The following SLC25A17 variants were observed in gnomAD, a reference collection of about 807,000 sequenced individuals.
SLC25A17 encodes peroxisomal membrane protein PMP34.
Under a neutral mutation model 38.5 loss-of-function variants are expected in SLC25A17, and 26 were observed. The ratio of observed to expected loss-of-function variants is 0.68; its 90% CI spans 0.50 to 0.94. SLC25A17 has a LOEUF of 0.94. Ranked by LOEUF, SLC25A17 falls within the 40% of genes least tolerant of loss-of-function variation. The probability of loss-of-function intolerance (pLI) is 0.00; values close to 1 mark genes in which losing one functional copy is unlikely to be tolerated. For missense variants in SLC25A17, 333 were observed against 372.7 expected (o/e 0.89, Z 0.88); for synonymous variants, 139 against 136.2 (o/e 1.02, Z -0.14).
intron 4 of SLC25A17, among the ~76,000 whole-genome samples, chr22:40,787,144 CAAGG>C (rs2057345321): frequency 6.6e-6 from 1 of 152,114 alleles, no homozygotes. Context: ...GTACAGGAAA[CAAGG>C]AAAGATTCCT....
rs914564433 is a variant in SLC25A17 at position 40,794,442 on chromosome 22, C to T, written c.182+72G>A. ...TGCTGTGAGAAAGATAGAAAGTAAG[C>T]ATAACTCTACTGGAAGCACAGGAAT... On this transcript the variant is annotated intron_variant, in intron 3 of 8. Coordinates refer to ENST00000435456, the MANE Select transcript of SLC25A17 (RefSeq NM_006358.4). The T allele has an allele frequency of 1.1e-5, 10 of 882,990 alleles. No individual in the cohort carries two copies. The African/African-American group carries it at 1.3e-4, about 12-fold the overall frequency. The allele number at this position is 882,990 out of a possible 1,614,324, so 54.7% of individuals were successfully genotyped here.
chr22:40,779,258 T>C, intron 4 of SLC25A17, 133 bp from the exon 5 acceptor site: 1 of 1,530,690 alleles, frequency 6.5e-7, no homozygotes, highest in Non-Finnish European at 8.8e-7. Flanking sequence ...AGGTAAGGTG[T>C]CTCTTTGTGC....
chr22:40,792,640 G>A lies in SLC25A17; in HGVS notation c.219C>T (p.Ser73=). The A allele has an allele frequency of 6.2e-7, 1 of 1,614,058 alleles. No homozygotes were observed. The highest frequency in any genetic ancestry group is 8.5e-7 in the Non-Finnish European group (1 of 1,179,978). The change falls in exon 4 of 9, where the codon TCC becomes TCT. Residue 73 remains serine, a synonymous_variant. Transcript: ENST00000435456. ...AGACAAAATTGGAGCAGCAGAGACT[G>A]GAAATCACTGGAAACCACCCTCGAT... is the stretch of plus-strand genomic sequence containing the variant. ...APYRGWFPVI[S]SLCCSNFVYF...
At chr22:40,815,930 T>C (rs1170439167) in intron 1 of SLC25A17, among the ~76,000 whole-genome samples, 2 of 152,302 alleles carry the variant, frequency 1.3e-5, no homozygotes, top group African/African-American at 2.4e-5. Context: ...CTCACGCCTG[T>C]AATCCCAGCA....
In SLC25A17 at chr22:40,794,550, TGTGTA is replaced by T; in HGVS notation, c.141_145del (p.Thr48HisfsTer8). 6.2e-7 allele frequency: 1 copy of T among 1,611,716 alleles called. No homozygotes were observed. On this transcript the variant is annotated frameshift_variant, in exon 3 of 9. Coordinates refer to ENST00000435456, the MANE Select transcript of SLC25A17 (RefSeq NM_006358.4). LOFTEE classifies it high-confidence loss of function. ...TTTAATGATCTCCAGGAGCACCATG[TGTGTA>T]GTTTTGGATTTTCTTTTCTCATCAA...
At chr22:40,806,287 T>C (rs1346375137) in intron 1 of SLC25A17, among the ~76,000 whole-genome samples, 1 of 152,180 alleles carries the variant, frequency 6.6e-6, no homozygotes, top group Non-Finnish European at 1.5e-5. Flanking sequence ...ATGGATTTCT[T>C]TTAGGCTTTG....
chr22:40,812,773 G>A (rs1179802573), intron 1 of SLC25A17, among the ~76,000 whole-genome samples: 1 of 151,466 alleles, frequency 6.6e-6, no homozygotes, highest in African/African-American at 2.4e-5. Flanking sequence ...TTTAGGAGGT[G>A]GGAGAATGGC....
chr22:40,809,765 G>C lies in SLC25A17; in HGVS notation c.54+9430C>G, dbSNP rs528276989. 3.9e-4 allele frequency among the ~76,000 whole-genome samples: 60 copies of C among 152,150 alleles called. 1 individual carries two copies. In the South Asian group the frequency reaches 0.012, roughly 30 times the overall value. On this transcript the variant is annotated intron_variant, in intron 1 of 8. Coordinates refer to ENST00000435456, the MANE Select transcript of SLC25A17 (RefSeq NM_006358.4). ...TGAAAATTTTTAGGAGTGTGAATGG[G>C]TCCTATGAGTATAGTTTGAACAGAG...
At chr22:40,787,138 A>G (rs552841112) in intron 4 of SLC25A17, among the ~76,000 whole-genome samples, 1 of 152,344 alleles carries the variant, frequency 6.6e-6, no homozygotes, top group Non-Finnish European at 1.5e-5. Flanking sequence ...TGGTGGGTAC[A>G]GGAAACAAGG....
At chr22:40,776,290 T>C (rs892569483) in intron 7 of SLC25A17, 5 of 469,302 alleles carry the variant, frequency 1.1e-5, no homozygotes, top group African/African-American at 1.0e-4. Context: ...GCTTAGTAAA[T>C]ATTTGAATGG....
At chr22:40,779,234 T>A (rs1354178839) in intron 4 of SLC25A17, 109 bp from the exon 5 acceptor site, 1 of 1,567,764 alleles carries the variant, frequency 6.4e-7, no homozygotes, top group East Asian at 2.4e-5. Context: ...GTCACTGACC[T>A]CTTAGGAGAC....
chr22:40,784,800 A>G (rs1325896253), intron 4 of SLC25A17, among the ~76,000 whole-genome samples: 2 of 151,504 alleles, frequency 1.3e-5, no homozygotes, highest in East Asian at 1.9e-4. Flanking sequence ...AAAAAAAAAA[A>G]AAAAAGAAAA....
Position 40,770,747 on chromosome 22 carries a change from A to C in SLC25A17, c.*87T>G. ...TGAGGGTAACATTTGTGGTGGCAGG[A>C]GCCAGAGTCAAGGGAGAATCACTTC... On this transcript the variant is annotated 3_prime_UTR_variant, in exon 9 of 9. Coordinates refer to ENST00000435456, the MANE Select transcript of SLC25A17 (RefSeq NM_006358.4). 7.2e-7 allele frequency: 1 copy of C among 1,383,254 alleles called. No homozygotes were observed. The highest frequency in any genetic ancestry group is 9.8e-7 in the Non-Finnish European group (1 of 1,023,196). 85.7% of individuals were successfully genotyped at this position (1,383,254 alleles called of 1,614,324 possible).
intron 1 of SLC25A17, among the ~76,000 whole-genome samples, chr22:40,813,557 A>C (rs1421636156): frequency 1.3e-5 from 2 of 150,014 alleles, no homozygotes; most frequent in Admixed American, 6.7e-5. Flanking sequence ...TACCCTCTCT[A>C]TTAAAAATAC....
intron 1 of SLC25A17, among the ~76,000 whole-genome samples, chr22:40,810,463 T>G (rs1465161060): frequency 2.0e-5 from 3 of 151,538 alleles, no homozygotes; most frequent in Non-Finnish European, 4.4e-5. Context: ...TTCTCCTGCC[T>G]CAGCCTCCTG....
chr22:40,776,889 G>T, intron 7 of SLC25A17, 151 bp downstream of exon 7: 3 of 676,236 alleles, frequency 4.4e-6, no homozygotes, highest in Non-Finnish European at 7.3e-6. Flanking sequence ...GGGAGATCCT[G>T]TCTCAAAAAA....
chr22:40,815,238 T>G (rs2057627423), intron 1 of SLC25A17, among the ~76,000 whole-genome samples: 1 of 152,166 alleles, frequency 6.6e-6, no homozygotes. Context: ...TGACCATGTT[T>G]GAGGGCTGAA....
chr22:40,810,495 G>T (rs2057570429), intron 1 of SLC25A17, among the ~76,000 whole-genome samples: 1 of 151,922 alleles, frequency 6.6e-6, no homozygotes, highest in Non-Finnish European at 1.5e-5. Flanking sequence ...TTACAGGCAT[G>T]CGCCACTACG....
In SLC25A17 at chr22:40,789,112, C is replaced by T. The variant is rs79934974; in HGVS notation, c.334+3413G>A. ...AGCACTGGCCCAACCATAATAAATG[C>T]CACTGGATATATCGGCTGGCAGATT... On this transcript the variant is annotated intron_variant, in intron 4 of 8. Coordinates refer to ENST00000435456, the MANE Select transcript of SLC25A17 (RefSeq NM_006358.4). This position sits in a 1 kb window ranked among gnomAD's most constrained non-coding sequence, Gnocchi z 4.5. 0.012 allele frequency: 3,312 copies of T among 274,174 alleles called. 89 individuals are homozygous for T. The highest frequency in any genetic ancestry group is 0.063 in the African/African-American group (2,784 of 44,044). The allele number at this position is 274,174 out of a possible 1,614,324, so 17.0% of individuals were successfully genotyped here. A position where few individuals can be genotyped will look rare whatever the true frequency, so the allele number is the denominator to read the frequency against.
Sources: gnomAD v4.1 joint callset for allele counts (sites outside exome capture counted in the v4.1 genomes callset) on GRCh38, gnomAD v4.1.1 for gene constraint, Gnocchi (gnomAD v3.1) non-coding constraint, MANE v1.5 for transcripts, NCBI Gene and HGNC (gene_info 2026-07-23, HGNC 2026-07-21) for gene names.